UFSP2: variants seen among roughly 807,000 people sequenced by gnomAD.
UFSP2 encodes the protein UFM1 specific peptidase 2, also known as ufm1-specific protease 2.
Under a neutral mutation model 60.2 loss-of-function variants are expected in UFSP2, and 43 were observed. The ratio of observed to expected loss-of-function variants is 0.71; its 90% confidence interval spans 0.56 to 0.92. The LOEUF is 0.92. Among genes scored for constraint, UFSP2 ranks in the 40% least tolerant of loss-of-function variants. The pLI, the probability that UFSP2 is intolerant of heterozygous loss-of-function variation, is 0.00. For missense variants in UFSP2, 520 were observed against 575.0 expected (o/e 0.90, Z 0.98); for synonymous variants, 183 against 195.1 (o/e 0.94, Z 0.52).
chr4:185,412,436 ATT>A (rs567863267), intron 7 of UFSP2, among the ~76,000 whole-genome samples: 1 of 152,036 alleles, frequency 6.6e-6, no homozygotes, highest in Non-Finnish European at 1.5e-5. Flanking sequence ...TCGTATATGC[ATT>A]TTTTTAATTC....
chr4:185,415,222 T>C lies in UFSP2; in HGVS notation c.617A>G (p.Lys206Arg), dbSNP rs1561116562. The part of the protein sequence containing the change: ...PEPLHFLLPG[K>R]KNLVTISYPS... ...ATATGAAATTGTTACAAGATTTTTTTTCCCTGGTAATAAAAAGTGCAGTGG... is the reference window on the plus strand; with the variant it reads ...ATATGAAATTGTTACAAGATTTTTTCTCCCTGGTAATAAAAAGTGCAGTGG... The change falls in exon 6 of 12, where the codon AAA becomes AGA. Residue 206 changes from lysine to arginine, a missense_variant. By Grantham distance (26) the Lys-to-Arg change is conservative. Coordinates refer to ENST00000264689, the MANE Select transcript of UFSP2 (RefSeq NM_018359.5). The C allele has an allele frequency of 3.7e-6, 6 of 1,608,534 alleles. No individual in the cohort carries two copies. Among genetic ancestry groups the C allele is most frequent in the East Asian group, 4.5e-5 (2 of 44,570 alleles).
chr4:185,424,662 A>G (rs2095555859), intron 1 of UFSP2, among the ~76,000 whole-genome samples: 1 of 152,250 alleles, frequency 6.6e-6, no homozygotes, highest in African/African-American at 2.4e-5. Context: ...CAGTTAAATA[A>G]AGAATACTAC....
intron 11 of UFSP2, chr4:185,402,346 T>C (rs187744880): frequency 1.9e-4 from 87 of 453,852 alleles, no homozygotes; most frequent in African/African-American, 1.7e-3. Flanking sequence ...TTCCAAATGC[T>C]GTGAAAGAGA....
chr4:185,401,160 G>A (rs976957202), intron 11 of UFSP2, among the ~76,000 whole-genome samples: 2 of 152,186 alleles, frequency 1.3e-5, no homozygotes, highest in African/African-American at 4.8e-5. Flanking sequence ...CTTGCAAGGA[G>A]GCTGAGACTC....
intron 4 of UFSP2, 28 bp from the exon 5 acceptor site, chr4:185,415,895 T>C: frequency 1.3e-6 from 2 of 1,553,282 alleles, no homozygotes; most frequent in South Asian, 2.4e-5. Context: ...AATAGTCAAC[T>C]TGTAGTGCAT....
chr4:185,403,310 T>G (rs1044558615), intron 11 of UFSP2, among the ~76,000 whole-genome samples, 184 bp downstream of exon 11: 6 of 152,218 alleles, frequency 3.9e-5, no homozygotes, highest in Non-Finnish European at 7.4e-5. Context: ...TTTTGTCTTT[T>G]GCAATGTGCT....
At position 185,399,926 on chromosome 4, in the gene UFSP2, A is replaced by G. The variant is rs573166098; in HGVS notation, c.*466T>C. The G allele has an allele frequency of 8.4e-6, 13 of 1,553,536 alleles. No homozygotes were observed. The highest frequency in any genetic ancestry group is 1.7e-4 in the Middle Eastern group (1 of 5,830). On this transcript the variant is annotated 3_prime_UTR_variant, in exon 12 of 12. Transcript: ENST00000264689. The stretch of plus-strand genomic sequence containing the variant: ...GTACTGGTTATACTTACCAGAGTCT[A>G]GAGACCAAAAATGGGACTGCATGGT...
chr4:185,399,561 T>A lies in UFSP2; in HGVS notation c.*831A>T, dbSNP rs747977169. On this transcript the variant is annotated 3_prime_UTR_variant, in exon 12 of 12. Transcript: ENST00000264689. ...GTTTCATTTCACTCCGTTTTTATCC[T>A]GTTTTCAGTTTATGTAATAAGAACG... 1 of 1,613,976 alleles carries A rather than the reference T, an allele frequency of 6.2e-7. No individual in the cohort carries two copies. The highest frequency in any genetic ancestry group is 8.5e-7 in the Non-Finnish European group (1 of 1,179,868).
In UFSP2 at chr4:185,400,003, G is replaced by GT. The variant is rs763286978; in HGVS notation, c.*388dup. Reference sequence around the variant, plus strand: ...AAAAAAAAGTTTTTAATGTTAACGTGTTTTTAAAAACAGATGTCACGTGGG... The same window carrying GT: ...AAAAAAAAGTTTTTAATGTTAACGTGTTTTTTAAAAACAGATGTCACGTGGG... On this transcript the variant is annotated 3_prime_UTR_variant, in exon 12 of 12. Transcript: ENST00000264689. 1.0e-3 allele frequency: 1,656 copies of GT among 1,602,444 alleles called. 3 individuals carry two copies. Among genetic ancestry groups the GT allele is most frequent in the Non-Finnish European group, 1.3e-3 (1,532 of 1,177,356 alleles).
chr4:185,416,270 G>A (rs1488727694), intron 4 of UFSP2, among the ~76,000 whole-genome samples: 1 of 152,134 alleles, frequency 6.6e-6, no homozygotes. Context: ...AGGTTCACTG[G>A]GGTTCGTTAC....
intron 10 of UFSP2, among the ~76,000 whole-genome samples, chr4:185,404,293 G>GTTTTTTTTTTTTTTTTTTTTTTTT (rs70962562): frequency 1.2e-5 from 1 of 80,482 alleles, no homozygotes; most frequent in Non-Finnish European, 2.5e-5. Flanking sequence ...CATTCATTAA[G>GTTTTTTTTTTTTTTTTTTTTTTTT]TTTTTTTTTT....
chr4:185,422,489 A>G lies in UFSP2; in HGVS notation c.78T>C (p.Pro26=), dbSNP rs1580085047. 1 of 1,608,230 alleles carries G rather than the reference A, an allele frequency of 6.2e-7. No individual in the cohort carries two copies. Among genetic ancestry groups the G allele is most frequent in the Admixed American group, 1.7e-5 (1 of 58,220 alleles). The part of the protein sequence containing the change: ...GLDLAFQLAT[P]NEIFLKKALK... ...AGAATTTTTCAGAAGACCTACCATT[A>G]GGAGTAGCTAGCTGAAAAGCCAAAT... Residue 26 remains proline, a synonymous_variant, in exon 2 of 12, where the codon CCT becomes CCC. Coordinates refer to ENST00000264689, the MANE Select transcript of UFSP2 (RefSeq NM_018359.5).
intron 10 of UFSP2, among the ~76,000 whole-genome samples, chr4:185,404,460 G>A (rs1003227572): frequency 4.0e-5 from 6 of 151,306 alleles, no homozygotes; most frequent in African/African-American, 1.5e-4. Flanking sequence ...CACACCCAGC[G>A]AATTTTTTGT....
At chr4:185,402,845 G>A (rs1162614146) in intron 11 of UFSP2, among the ~76,000 whole-genome samples, 1 of 152,150 alleles carries the variant, frequency 6.6e-6, no homozygotes, top group Non-Finnish European at 1.5e-5. Context: ...TGTATTCTCT[G>A]CAATTTCAAT....
intron 4 of UFSP2, among the ~76,000 whole-genome samples, chr4:185,416,757 G>A (rs375139770): frequency 2.0e-5 from 3 of 152,218 alleles, no homozygotes; most frequent in Admixed American, 2.0e-4. Context: ...AGGCACTGGA[G>A]CCAGCTTGAA....
rs1222325315 is a variant in UFSP2, at chr4:185,405,822, G to C, written c.1156C>G (p.Leu386Val). The change falls in exon 10 of 12, where the codon CTG (leucine) becomes GTG (valine). Residue 386 changes from leucine to valine, a missense_variant. Leu to Val is a conservative substitution (Grantham distance 32, BLOSUM62 1). Coordinates refer to ENST00000264689, the MANE Select transcript of UFSP2 (RefSeq NM_018359.5). ...GSEIASQGRELANHFQSEGTP... is the reference protein window; with the variant it reads ...GSEIASQGREVANHFQSEGTP... ...CCTTCACTTTGGAAATGATTAGCCA[G>C]TTCCCGTCCTTGAGAGGCAATTTCT... 4 of 1,614,040 alleles carry C rather than the reference G, an allele frequency of 2.5e-6. No individual in the cohort carries two copies. Among genetic ancestry groups the C allele is most frequent in the Middle Eastern group, 1.7e-4 (1 of 6,060 alleles).
intron 4 of UFSP2, among the ~76,000 whole-genome samples, chr4:185,416,876 A>G (rs1466960725): frequency 2.0e-5 from 3 of 152,204 alleles, no homozygotes; most frequent in African/African-American, 2.4e-5. Context: ...GATAATACAA[A>G]AGGAAATGAC....
At chr4:185,405,002 C>CTTTTTTT (rs70962563) in intron 10 of UFSP2, among the ~76,000 whole-genome samples, 5 of 138,192 alleles carry the variant, frequency 3.6e-5, no homozygotes, top group East Asian at 2.1e-4. Context: ...ACCTCCATTT[C>CTTTTTTT]TTTTTTTTTT....
At chr4:185,407,656 G>A (rs1383767877) in intron 9 of UFSP2, among the ~76,000 whole-genome samples, 1 of 151,836 alleles carries the variant, frequency 6.6e-6, no homozygotes, top group East Asian at 1.9e-4. Flanking sequence ...TTTACTCAAC[G>A]TTAATATATT....
Sources: gnomAD v4.1 joint callset for allele counts (sites outside exome capture counted in the v4.1 genomes callset) on GRCh38, gnomAD v4.1.1 for gene constraint, MANE v1.5 for transcripts, NCBI Gene and HGNC (gene_info 2026-07-23, HGNC 2026-07-21) for gene names.